The following KSR1 variants were observed in gnomAD, a reference collection of about 807,000 sequenced individuals.
The protein encoded by KSR1 is kinase suppressor of ras.
KSR1 carries 35 observed loss-of-function variants against 92.9 expected under a neutral mutation model. That is an observed-to-expected ratio of 0.38 (90% CI 0.29 to 0.50). The LOEUF (loss-of-function observed/expected upper bound fraction) is 0.50. Ranked by LOEUF, KSR1 falls within the 20% of genes least tolerant of loss-of-function variation. The pLI is 0.94. For synonymous variants in KSR1, 467 were observed against 472.6 expected (o/e 0.99, Z 0.15); for missense variants, 972 against 1,158.5 (o/e 0.84, Z 2.34).
intron 11 of KSR1, among the ~76,000 whole-genome samples, chr17:27,602,239 A>C (rs1224155170): frequency 6.6e-6 from 1 of 152,056 alleles, no homozygotes; most frequent in Non-Finnish European, 1.5e-5. Context: ...TCCTTAGAGG[A>C]CCATCCATAT....
intron 1 of KSR1, among the ~76,000 whole-genome samples, chr17:27,499,199 C>G (rs1189241143): frequency 6.6e-6 from 1 of 152,158 alleles, no homozygotes; most frequent in Non-Finnish European, 1.5e-5. Context: ...TGGAGGGAAG[C>G]AGCGCCTCTC....
At chr17:27,551,292 A>G (rs918433051) in intron 2 of KSR1, among the ~76,000 whole-genome samples, 1 of 152,118 alleles carries the variant, frequency 6.6e-6, no homozygotes, top group African/African-American at 2.4e-5. Context: ...CAACTAACCA[A>G]CCAGCATACT....
chr17:27,601,996 T>A (rs910561657), intron 11 of KSR1: 1 of 1,450,004 alleles, frequency 6.9e-7, no homozygotes, highest in East Asian at 2.4e-5. Flanking sequence ...CAAAAGTTGT[T>A]TTCTACACTT....
intron 9 of KSR1, among the ~76,000 whole-genome samples, chr17:27,595,318 G>C (rs1299162265): frequency 1.3e-5 from 2 of 152,220 alleles, no homozygotes; most frequent in Non-Finnish European, 1.5e-5. Flanking sequence ...ACTTCTGGGT[G>C]CTCCTAGCTA....
At chr17:27,565,114 T>C (rs2072010912) in intron 2 of KSR1, among the ~76,000 whole-genome samples, 1 of 152,242 alleles carries the variant, frequency 6.6e-6, no homozygotes, top group South Asian at 2.1e-4. Context: ...GTGTAAAGTA[T>C]AGAAATTATA....
chr17:27,547,110 C>T (rs774500732), intron 1 of KSR1, among the ~76,000 whole-genome samples: 2 of 152,176 alleles, frequency 1.3e-5, no homozygotes, highest in Non-Finnish European at 2.9e-5. Context: ...CCCCTAGTAC[C>T]CTGAAGGGAG....
chr17:27,614,514 G>T (rs771687662), intron 18 of KSR1, among the ~76,000 whole-genome samples: 1 of 152,234 alleles, frequency 6.6e-6, no homozygotes, highest in Non-Finnish European at 1.5e-5. Flanking sequence ...TGAGCAAAGG[G>T]CTGCAAGGGA....
chr17:27,549,348 C>G (rs1215819881), intron 1 of KSR1, among the ~76,000 whole-genome samples: 1 of 152,116 alleles, frequency 6.6e-6, no homozygotes, highest in Non-Finnish European at 1.5e-5. Flanking sequence ...AGGCAACTCC[C>G]TGGTCTTCTG....
At chr17:27,490,247 A>G (rs1053067561) in intron 1 of KSR1, among the ~76,000 whole-genome samples, 1 of 152,212 alleles carries the variant, frequency 6.6e-6, no homozygotes, top group Non-Finnish European at 1.5e-5. Context: ...ATGTTATGTA[A>G]ATGCTAGCTA....
intron 1 of KSR1, among the ~76,000 whole-genome samples, chr17:27,511,476 G>A (rs1281103748): frequency 3.9e-5 from 6 of 152,172 alleles, no homozygotes; most frequent in Non-Finnish European, 7.4e-5. Context: ...TGGTCACTTG[G>A]AATCTGGAAC....
rs1324888915 is a variant in KSR1 at position 27,605,739 on chromosome 17, G to T, written c.1920G>T (p.Arg640=). ...KLFKKEVMNY[R]QTRHENVVLF... ...TCAAGAAAGAGGTGATGAACTACCG[G>T]CAGACGCGGCATGAGAACGTGGTGC... The change falls in exon 14 of 21, where the codon CGG becomes CGT. Residue 640 remains arginine, a synonymous_variant. Coordinates refer to ENST00000644974, the MANE Select transcript of KSR1 (RefSeq NM_001394583.1). 1.9e-6 allele frequency: 3 copies of T among 1,612,812 alleles called. No individual in the cohort carries two copies. Among genetic ancestry groups the T allele is most frequent in the Non-Finnish European group, 2.5e-6 (3 of 1,179,832 alleles).
At position 27,621,138 on chromosome 17, in the gene KSR1, G is replaced by A. The variant is rs546233996; in HGVS notation, c.2628-55G>A. On this transcript the variant is annotated intron_variant, in intron 19 of 20. Coordinates refer to ENST00000644974, the MANE Select transcript of KSR1 (RefSeq NM_001394583.1). ...CACGTGCCTGACTCCATCACATGCCGGGGCCGGACTGCGCTCTTCCCACGC... is the reference window on the plus strand; with the variant it reads ...CACGTGCCTGACTCCATCACATGCCAGGGCCGGACTGCGCTCTTCCCACGC... The A allele has an allele frequency of 1.8e-5, 7 of 398,500 alleles. No homozygotes were observed. In the South Asian group the frequency reaches 3.8e-4, roughly 22 times the overall value. 24.7% of individuals were successfully genotyped at this position (398,500 alleles called of 1,614,324 possible).
intron 3 of KSR1, among the ~76,000 whole-genome samples, chr17:27,580,191 G>A (rs984537842): frequency 6.6e-6 from 1 of 152,108 alleles, no homozygotes. Flanking sequence ...TTGGTAGCAG[G>A]CTTACTCATA....
At chr17:27,620,458 A>T (rs1178591617) in intron 19 of KSR1, among the ~76,000 whole-genome samples, 2 of 152,240 alleles carry the variant, frequency 1.3e-5, no homozygotes, top group Non-Finnish European at 2.9e-5. Context: ...CTCCTAGTAC[A>T]GTCCCAGGAA....
chr17:27,458,441 G>C (rs1263234625), intron 1 of KSR1, among the ~76,000 whole-genome samples: 4 of 152,214 alleles, frequency 2.6e-5, no homozygotes, highest in Admixed American at 6.5e-5. Flanking sequence ...TCCCCACGTT[G>C]CTCTGAAGTG....
At chr17:27,609,502 G>T (rs530057786) in intron 16 of KSR1, among the ~76,000 whole-genome samples, 173 bp downstream of exon 16, 2 of 152,208 alleles carry the variant, frequency 1.3e-5, no homozygotes, top group African/African-American at 4.8e-5. Context: ...TTTGGGTCGC[G>T]TTTGGATTCT....
At chr17:27,527,291 A>G (rs2070344561) in intron 1 of KSR1, 1 of 186,250 alleles carries the variant, frequency 5.4e-6, no homozygotes, top group Non-Finnish European at 1.1e-5. Context: ...TTGAGGTAGG[A>G]GGACTGCTTA....
chr17:27,458,848 C>T (rs1344161794), intron 1 of KSR1, among the ~76,000 whole-genome samples: 1 of 152,066 alleles, frequency 6.6e-6, no homozygotes, highest in Non-Finnish European at 1.5e-5. Context: ...TCACTTCATC[C>T]CGGAGGCCTC....
intron 1 of KSR1, among the ~76,000 whole-genome samples, chr17:27,462,820 C>T (rs374601523): frequency 6.6e-6 from 1 of 152,340 alleles, no homozygotes; most frequent in African/African-American, 2.4e-5. Context: ...GTATATTCTT[C>T]CTGCATTTGC....
Sources: allele counts gnomAD v4.1 joint callset (sites outside exome capture counted in the v4.1 genomes callset), GRCh38; gene constraint gnomAD v4.1.1; transcripts MANE v1.5; gene names NCBI Gene and HGNC (gene_info 2026-07-23, HGNC 2026-07-21).